Variants in PFKFB1 observed in about 807,000 individuals in gnomAD.
PFKFB1 encodes 6-phosphofructo-2-kinase/fructose-2,6-bisphosphatase 1.
Under a neutral mutation model 46.4 loss-of-function variants are expected in PFKFB1, and 34 were observed. That is an observed-to-expected ratio of 0.73 (90% CI 0.56 to 0.98). The LOEUF (loss-of-function observed/expected upper bound fraction) is 0.98, where lower values mean the gene tolerates loss of function less well. PFKFB1 is among the 50% of genes least tolerant of loss of function. PFKFB1 has a pLI of 0.00. For synonymous variants in PFKFB1, 119 were observed against 133.8 expected (o/e 0.89, Z 0.76); for missense variants, 393 against 376.3 (o/e 1.04, Z -0.37).
chrX:54,943,790 A>T (rs1933726066), intron 10 of PFKFB1, among the ~76,000 whole-genome samples: 1 of 110,862 alleles, frequency 9.0e-6, no homozygotes, highest in Non-Finnish European at 1.9e-5. Flanking sequence ...AATAAAAAAT[A>T]AATAAATAAA....
At chrX:54,940,162 G>A (rs1369299473) in intron 10 of PFKFB1, among the ~76,000 whole-genome samples, 2 of 111,783 alleles carry the variant, frequency 1.8e-5, no homozygotes, top group Admixed American at 9.5e-5. Context: ...CTCAATAGAC[G>A]CAGAAAAGGC....
chrX:54,940,266 C>G (rs1933571361), intron 10 of PFKFB1, among the ~76,000 whole-genome samples: 1 of 111,514 alleles, frequency 9.0e-6, no homozygotes, highest in African/African-American at 3.3e-5. Flanking sequence ...CTATTTATGA[C>G]AAACCCACAG....
chrX:54,937,569 T>C lies in PFKFB1; in HGVS notation c.1228+26A>G, dbSNP rs1304309426. ...CAGTGTCTCAAATACCATCAAACAT[T>C]CCCAAAGCAGAGATGAGGGTAGTAC... On this transcript the variant is annotated intron_variant, in intron 11 of 13. Coordinates refer to ENST00000375006, the MANE Select transcript of PFKFB1 (RefSeq NM_002625.4). 2.5e-6 allele frequency: 3 copies of C among 1,191,432 alleles called. No homozygotes were observed. In the African/African-American group the frequency reaches 5.3e-5, roughly 21 times the overall value.
chrX:54,994,451 A>C, upstream of PFKFB1: 1 of 754,015 alleles, frequency 1.3e-6, no homozygotes, highest in East Asian at 1.5e-4. Flanking sequence ...ATAGAGGCAA[A>C]GGTGATGGAG....
intron 1 of PFKFB1, among the ~76,000 whole-genome samples, chrX:54,991,577 A>G (rs189967334): frequency 0.057 from 5,842 of 102,768 alleles, 365 homozygotes; most frequent in African/African-American, 0.21. Context: ...GTGTGTTTGT[A>G]TATGTGTGTA....
chrX:54,963,755 C>T (rs111651877), intron 1 of PFKFB1, among the ~76,000 whole-genome samples: 4,071 of 112,347 alleles, frequency 0.036, 207 homozygotes, highest in African/African-American at 0.13. Flanking sequence ...GGCAATTTTG[C>T]ACCCCTTTGC....
intron 7 of PFKFB1, among the ~76,000 whole-genome samples, chrX:54,953,065 T>C (rs1401835806): frequency 8.9e-6 from 1 of 111,830 alleles, no homozygotes. Context: ...GTATAGGCAC[T>C]GACTAATCAG....
intron 1 of PFKFB1, among the ~76,000 whole-genome samples, chrX:54,975,607 A>G (rs897437227): frequency 9.0e-6 from 1 of 111,143 alleles, no homozygotes; most frequent in Non-Finnish European, 1.9e-5. Context: ...ACCAAAAACC[A>G]TCTGTACCCT....
intron 11 of PFKFB1, among the ~76,000 whole-genome samples, chrX:54,937,024 G>C (rs1287019757): frequency 9.0e-6 from 1 of 110,545 alleles, no homozygotes; most frequent in African/African-American, 3.3e-5. Context: ...TATGCAGTCA[G>C]TGTGTAAATA....
chrX:54,969,925 T>C (rs1934595390), intron 1 of PFKFB1, among the ~76,000 whole-genome samples: 1 of 112,287 alleles, frequency 8.9e-6, no homozygotes, highest in South Asian at 3.7e-4. Context: ...GTTTTATTTT[T>C]TGAGACACAG....
At chrX:54,993,404 T>C (rs1290653904) in intron 1 of PFKFB1, among the ~76,000 whole-genome samples, 2 of 111,109 alleles carry the variant, frequency 1.8e-5, no homozygotes. Context: ...AGAAAAGGCC[T>C]GAGAAAGGAG....
At chrX:54,938,330 T>G (rs755395931) in intron 10 of PFKFB1, among the ~76,000 whole-genome samples, 8 of 112,393 alleles carry the variant, frequency 7.1e-5, no homozygotes, top group Admixed American at 1.9e-4. Context: ...AAAATGTGTC[T>G]GTCTCTCCTT....
At chrX:54,973,456 C>A (rs1281302861) in intron 1 of PFKFB1, among the ~76,000 whole-genome samples, 1 of 111,072 alleles carries the variant, frequency 9.0e-6, no homozygotes, top group Non-Finnish European at 1.9e-5. Flanking sequence ...TGGATCTTTC[C>A]TGCTTTCTCT....
intron 2 of PFKFB1, among the ~76,000 whole-genome samples, chrX:54,962,350 C>T (rs1028234047): frequency 8.9e-6 from 1 of 111,969 alleles, no homozygotes; most frequent in African/African-American, 3.2e-5. Flanking sequence ...TTCCAGTTGG[C>T]ATATCCCTTT....
chrX:54,939,934 C>CA, intron 10 of PFKFB1, among the ~76,000 whole-genome samples: 1 of 111,256 alleles, frequency 9.0e-6, no homozygotes, highest in East Asian at 2.8e-4. Flanking sequence ...GGCAGAGACA[C>CA]AAAAAAAGGA....
chrX:54,945,283 C>G (rs1933766240), intron 10 of PFKFB1, among the ~76,000 whole-genome samples, 156 bp downstream of exon 10: 1 of 112,023 alleles, frequency 8.9e-6, no homozygotes, highest in Non-Finnish European at 1.9e-5. Context: ...CTAAAACAAC[C>G]AAGGGCCAGA....
intron 7 of PFKFB1, among the ~76,000 whole-genome samples, chrX:54,952,465 T>C (rs1011323472): frequency 9.0e-6 from 1 of 111,037 alleles, no homozygotes; most frequent in African/African-American, 3.3e-5. Context: ...TTTGCATCCC[T>C]GGCTAGCTCC....
chrX:54,960,034 T>G, intron 3 of PFKFB1, 141 bp from the exon 4 acceptor site: 4 of 507,268 alleles, frequency 7.9e-6, no homozygotes, highest in Non-Finnish European at 1.4e-5. Context: ...CAGGGTGCCC[T>G]ACGCTTTAGG....
intron 10 of PFKFB1, among the ~76,000 whole-genome samples, chrX:54,938,172 G>T (rs986875736): frequency 1.8e-5 from 2 of 112,077 alleles, no homozygotes; most frequent in Non-Finnish European, 3.8e-5. Context: ...AAAACCGTAC[G>T]GAAGTAGAAG....
Sources: allele counts gnomAD v4.1 joint callset (sites outside exome capture counted in the v4.1 genomes callset), GRCh38; gene constraint gnomAD v4.1.1; transcripts MANE v1.5; gene names NCBI Gene and HGNC (gene_info 2026-07-23, HGNC 2026-07-21).